HPSE2: variants seen among roughly 807,000 people sequenced by gnomAD.
HPSE2 encodes heparanase 2 (inactive), also known as inactive heparanase-2.
HPSE2 carries 38 observed loss-of-function variants against 60.5 expected under a neutral mutation model. The observed-to-expected ratio is 0.63, with a 90% CI of 0.48 to 0.82. The LOEUF is 0.82. HPSE2 is among the 40% of genes least tolerant of loss of function. HPSE2 has a pLI of 0.00. For missense variants in HPSE2, 713 were observed against 740.4 expected (o/e 0.96, Z 0.43); for synonymous variants, 295 against 293.2 (o/e 1.01, Z -0.06).
chr10:98,959,355 C>G (rs1429074636), intron 3 of HPSE2, among the ~76,000 whole-genome samples: 1 of 128,510 alleles, frequency 7.8e-6, no homozygotes, highest in Non-Finnish European at 1.6e-5. Flanking sequence ...AAAACTATCT[C>G]TGGAAAAAAA....
chr10:98,525,050 G>A (rs1004608125), intron 9 of HPSE2, among the ~76,000 whole-genome samples: 6 of 152,090 alleles, frequency 3.9e-5, no homozygotes, highest in Admixed American at 2.0e-4. Flanking sequence ...CACTCTTGTC[G>A]CCCAGGCTGG....
chr10:98,620,577 G>A (rs768583794), intron 8 of HPSE2, 25 bp downstream of exon 8: 7 of 1,543,094 alleles, frequency 4.5e-6, no homozygotes, highest in Non-Finnish European at 6.3e-6. Flanking sequence ...AAGCCCCTGG[G>A]GGTGAACTTG....
At chr10:99,230,644 T>C (rs1044611639) in intron 2 of HPSE2, among the ~76,000 whole-genome samples, 1 of 152,120 alleles carries the variant, frequency 6.6e-6, no homozygotes, top group African/African-American at 2.4e-5. Context: ...GTAGCCTTCA[T>C]TTTAAACAGA....
intron 9 of HPSE2, among the ~76,000 whole-genome samples, chr10:98,593,061 A>C (rs768720569): frequency 2.6e-5 from 4 of 152,234 alleles, no homozygotes; most frequent in African/African-American, 9.6e-5. Context: ...CAATTTAATA[A>C]TACTTCACTA....
chr10:98,788,927 T>C lies in HPSE2; in HGVS notation c.611-44871A>G, dbSNP rs1950595782. ...CTTCTGCGTCGCTCACGCTGGGAGCTGTAGACCGGAGCTGTTCCTATTCGG... is the reference window on the plus strand; with the variant it reads ...CTTCTGCGTCGCTCACGCTGGGAGCCGTAGACCGGAGCTGTTCCTATTCGG... On this transcript the variant is annotated intron_variant, in intron 3 of 11. Coordinates refer to ENST00000370552, the MANE Select transcript of HPSE2 (RefSeq NM_021828.5). 2.6e-5 allele frequency among the ~76,000 whole-genome samples: 4 copies of C among 152,300 alleles called. No homozygotes were observed. The South Asian group carries it at 8.3e-4, about 32-fold the overall frequency.
intron 9 of HPSE2, among the ~76,000 whole-genome samples, chr10:98,516,026 C>T (rs1564932895): frequency 6.6e-6 from 1 of 152,218 alleles, no homozygotes; most frequent in Non-Finnish European, 1.5e-5. Context: ...CTGCTGATCT[C>T]CATCCCTTAC....
chr10:99,081,579 AAAG>A (rs1843138311), intron 3 of HPSE2, among the ~76,000 whole-genome samples: 1 of 126,948 alleles, frequency 7.9e-6, no homozygotes, highest in Non-Finnish European at 1.8e-5. Flanking sequence ...TACTACTACT[AAAG>A]ATGATGATGA....
chr10:98,753,043 T>G (rs1949794528), intron 3 of HPSE2, among the ~76,000 whole-genome samples: 1 of 152,020 alleles, frequency 6.6e-6, no homozygotes, highest in Non-Finnish European at 1.5e-5. Flanking sequence ...GCTGAGGACT[T>G]TAGTTGGGAG....
chr10:98,560,739 C>G (rs1944148461), intron 9 of HPSE2, among the ~76,000 whole-genome samples: 1 of 152,170 alleles, frequency 6.6e-6, no homozygotes, highest in South Asian at 2.1e-4. Flanking sequence ...CAATGGTGGA[C>G]CCACAAGACT....
intron 9 of HPSE2, among the ~76,000 whole-genome samples, chr10:98,602,837 C>G (rs1203582994): frequency 6.6e-6 from 1 of 152,084 alleles, no homozygotes; most frequent in Non-Finnish European, 1.5e-5. Context: ...GATAGGAGAG[C>G]TACAACTATA....
intron 3 of HPSE2, among the ~76,000 whole-genome samples, chr10:99,121,611 A>G (rs1338455814): frequency 1.3e-5 from 2 of 152,232 alleles, no homozygotes; most frequent in Non-Finnish European, 2.9e-5. Context: ...CAACAATGCC[A>G]TATCAATTAT....
At chr10:98,495,685 AG>A (rs2133694718) in intron 9 of HPSE2, among the ~76,000 whole-genome samples, 1 of 148,200 alleles carries the variant, frequency 6.7e-6, no homozygotes, top group Non-Finnish European at 1.5e-5. Context: ...TTTTTATTTC[AG>A]TCACTATATT....
intron 3 of HPSE2, among the ~76,000 whole-genome samples, chr10:99,079,586 G>A (rs868636656): frequency 6.6e-5 from 10 of 152,118 alleles, no homozygotes; most frequent in Non-Finnish European, 4.4e-5. Flanking sequence ...AAACCACCAC[G>A]TCTGATCTCA....
Position 98,929,668 on chromosome 10 carries a change from C to T in HPSE2, c.611-185612G>A, listed in dbSNP as rs79279156. 8.7e-3 allele frequency among the ~76,000 whole-genome samples: 1,248 copies of T among 143,636 alleles called. 273 individuals are homozygous for T. Among genetic ancestry groups the T allele is most frequent in the African/African-American group, 0.034 (1,201 of 35,278 alleles). The allele number at this position is 143,636 out of a possible 152,430, so 94.2% of individuals were successfully genotyped here. A position where few individuals can be genotyped will look rare whatever the true frequency, so the allele number is the denominator to read the frequency against. On this transcript the variant is annotated intron_variant, in intron 3 of 11. Coordinates refer to ENST00000370552, the MANE Select transcript of HPSE2 (RefSeq NM_021828.5). ...TGTCCCTAATGGAGAAAAAATAAGA[C>T]TATATATTCATATTTGCTTCTATTT...
intron 9 of HPSE2, among the ~76,000 whole-genome samples, chr10:98,598,055 CT>C (rs567586137): frequency 8.7e-4 from 121 of 138,350 alleles, no homozygotes; most frequent in African/African-American, 2.8e-3. Flanking sequence ...CCCTTTCATT[CT>C]TTTTTTTTTC....
intron 3 of HPSE2, among the ~76,000 whole-genome samples, chr10:99,079,828 A>G (rs1379427224): frequency 6.6e-6 from 1 of 152,126 alleles, no homozygotes; most frequent in South Asian, 2.1e-4. Flanking sequence ...CCAAGCAGCT[A>G]AAGTATGCCA....
chr10:99,146,177 C>T (rs978539806), intron 2 of HPSE2, among the ~76,000 whole-genome samples: 4 of 152,276 alleles, frequency 2.6e-5, no homozygotes, highest in South Asian at 2.1e-4. Flanking sequence ...ATATAAATTA[C>T]GTTCTATAAA....
chr10:98,808,059 CTCT>C (rs1252809545), intron 3 of HPSE2, among the ~76,000 whole-genome samples: 1 of 152,154 alleles, frequency 6.6e-6, no homozygotes, highest in African/African-American at 2.4e-5. Flanking sequence ...AGACCTACTC[CTCT>C]TCTTTGAGAT....
intron 9 of HPSE2, 66 bp from the exon 10 acceptor site, chr10:98,490,262 G>GAC (rs59184373): frequency 0.018 from 22,327 of 1,249,280 alleles, 36 homozygotes; most frequent in South Asian, 0.025. Flanking sequence ...GAGTAAACAT[G>GAC]ACACACACAC....
Sources: allele counts gnomAD v4.1 joint callset (sites outside exome capture counted in the v4.1 genomes callset), GRCh38; gene constraint gnomAD v4.1.1; transcripts MANE v1.5; gene names NCBI Gene and HGNC (gene_info 2026-07-23, HGNC 2026-07-21).